The following LAT2 variants were observed in gnomAD, a reference collection of about 807,000 sequenced individuals.
The protein encoded by LAT2 is linker for activation of T-cells family member 2.
A neutral mutation model predicts 43.4 loss-of-function variants in LAT2; 23 were observed. That is an observed-to-expected ratio of 0.53 (90% confidence interval 0.38 to 0.75). The LOEUF (loss-of-function observed/expected upper bound fraction) is 0.75, where lower values mean the gene tolerates loss of function less well. Ranked by LOEUF, LAT2 falls within the 30% of genes least tolerant of loss-of-function variation. LAT2 has a pLI of 0.00. For missense variants in LAT2, 284 were observed against 310.2 expected, an observed-to-expected ratio of 0.92 and a Z score of 0.64; for synonymous variants, 128 against 123.2, an observed-to-expected ratio of 1.04 and a Z score of -0.26.
intron 4 of LAT2, among the ~76,000 whole-genome samples, chr7:74,219,521 C>T (rs1802181529): frequency 6.6e-6 from 1 of 152,216 alleles, no homozygotes; most frequent in African/African-American, 2.4e-5. Flanking sequence ...GCCCAGGGCC[C>T]TGTGTGAGGG....
intron 4 of LAT2, among the ~76,000 whole-genome samples, chr7:74,218,023 T>A (rs185927195): frequency 8.4e-4 from 128 of 152,084 alleles, no homozygotes; most frequent in Non-Finnish European, 1.5e-3. Flanking sequence ...TGCCCTTGAC[T>A]CCTCGGACAC....
intron 1 of LAT2, among the ~76,000 whole-genome samples, chr7:74,213,632 T>A (rs183689596): frequency 1.3e-5 from 2 of 150,748 alleles, no homozygotes; most frequent in African/African-American, 4.9e-5. Flanking sequence ...ACCATGTTGG[T>A]CAGGCTAGTC....
chr7:74,211,151 G>A (rs897967119), intron 1 of LAT2, among the ~76,000 whole-genome samples: 1 of 136,570 alleles, frequency 7.3e-6, no homozygotes, highest in Non-Finnish European at 1.6e-5. Flanking sequence ...CAGCCCTGCC[G>A]GCCCCTGGGG....
At chr7:74,214,789 ATAT>A (rs1409913849) in intron 1 of LAT2, 30 bp from the exon 2 acceptor site, 3 of 89,456 alleles carry the variant, frequency 3.4e-5, no homozygotes, top group African/African-American at 1.0e-4. Flanking sequence ...ATATATATAT[ATAT>A]TTTTTTTTTT....
chr7:74,211,087 A>G (rs1554713066), intron 1 of LAT2, among the ~76,000 whole-genome samples: 2 of 152,152 alleles, frequency 1.3e-5, no homozygotes, highest in African/African-American at 4.8e-5. Context: ...CTTTAGTGCT[A>G]TTTTGGCCTC....
At chr7:74,215,661 C>G (rs529502531) in intron 2 of LAT2, among the ~76,000 whole-genome samples, 1 of 152,158 alleles carries the variant, frequency 6.6e-6, no homozygotes, top group Non-Finnish European at 1.5e-5. Flanking sequence ...CTAGATTAAG[C>G]GAGGCTGTGT....
chr7:74,219,009 CTTTTTTTTTTTTTTTTTTTTT>C (rs781806954), intron 4 of LAT2, among the ~76,000 whole-genome samples: 9 of 48,744 alleles, frequency 1.8e-4, no homozygotes, highest in African/African-American at 2.9e-4. Flanking sequence ...AGAGTGTGTG[CTTTTTTTTTTTTTTTTTTTTT>C]TTTTTTTTTT....
At position 74,229,452 on chromosome 7, in the gene LAT2, T is replaced by C. The variant is rs1802611253; in HGVS notation, c.*527T>C. 1 of 152,730 alleles carries C rather than the reference T, an allele frequency of 6.5e-6. No homozygotes were observed. The highest frequency in any genetic ancestry group is 6.5e-5 in the Admixed American group (1 of 15,284). 9.5% of individuals were successfully genotyped at this position (152,730 alleles called of 1,614,324 possible). On this transcript the variant is annotated 3_prime_UTR_variant, in exon 14 of 14. Transcript: ENST00000460943. ...GTCTCCTAGAAAGCATTACATGTAG[T>C]TTATTTCAGCATCCTTGTTGGGTGG...
At chr7:74,222,347 G>A (rs1302687085) in intron 10 of LAT2, among the ~76,000 whole-genome samples, 1 of 150,240 alleles carries the variant, frequency 6.7e-6, no homozygotes, top group Non-Finnish European at 1.5e-5. Flanking sequence ...GCTGCAGTGA[G>A]CCAAGATCGC....
intron 1 of LAT2, 112 bp from the exon 2 acceptor site, chr7:74,214,702 TATATATAA>T (rs1339592691): frequency 5.6e-4 from 54 of 96,254 alleles, no homozygotes; most frequent in African/African-American, 2.4e-3. Flanking sequence ...TATATATAAA[TATATATAA>T]ATATATATAA....
Position 74,220,133 on chromosome 7 carries a change from C to T in LAT2, c.228-84C>T. ...GCTCCAGGGCTCAGCTATGAAGGCC[C>T]CACAAGGGGTATGGGGGGATGTGTC... is the stretch of plus-strand genomic sequence containing the variant. On this transcript the variant is annotated intron_variant, in intron 6 of 13. Transcript: ENST00000460943. The surrounding 1 kb of genome is among the most constrained non-coding windows in gnomAD (Gnocchi z 4.5). The T allele has an allele frequency of 1.9e-6, 3 of 1,565,070 alleles. No individual in the cohort carries two copies. The highest frequency in any genetic ancestry group is 2.6e-6 in the Non-Finnish European group (3 of 1,147,528).
chr7:74,224,291 C>A, intron 12 of LAT2, 94 bp downstream of exon 12: 1 of 1,325,710 alleles, frequency 7.5e-7, no homozygotes, highest in Non-Finnish European at 1.1e-6. Context: ...TTCCCTCCAG[C>A]CAGTCCAGCT....
intron 13 of LAT2, 121 bp downstream of exon 13, chr7:74,224,881 G>T: frequency 1.4e-6 from 1 of 717,284 alleles, no homozygotes; most frequent in South Asian, 1.9e-5. Context: ...GGGGGCTACA[G>T]GGTGCACCCA....
chr7:74,216,745 G>C lies in LAT2; in HGVS notation c.95-80G>C, dbSNP rs13226003. On this transcript the variant is annotated intron_variant, in intron 3 of 13. Transcript: ENST00000460943. ...CAAGTCCTGTCTGAGTCCTGCTGGA[G>C]ACAAGACATGGCGGGGGGTGTCTGA... 7 of 1,226,506 alleles carry C rather than the reference G, an allele frequency of 5.7e-6. 1 individual carries two copies. The highest frequency in any genetic ancestry group is 3.7e-5 in the South Asian group (3 of 80,852). 76.0% of individuals were successfully genotyped at this position (1,226,506 alleles called of 1,614,324 possible).
In LAT2 at chr7:74,212,182, C is replaced by T. The variant is rs112232570; in HGVS notation, c.-219+2094C>T. Among the ~76,000 whole-genome samples the T allele has an allele frequency of 6.7e-3, 1,025 of 152,012 alleles. 15 individuals carry two copies. Among genetic ancestry groups the T allele is most frequent in the African/African-American group, 0.021 (880 of 41,462 alleles). On this transcript the variant is annotated intron_variant, in intron 1 of 13. Coordinates refer to ENST00000460943, the MANE Select transcript of LAT2 (RefSeq NM_032464.3). ...CTGGTCTCGAACTCCTGGCCTCAAG[C>T]GATCCTCCTGTCTCGGCCTCCCAGT...
Position 74,224,036 on chromosome 7 carries a change from T to G in LAT2, c.467T>G (p.Ile156Arg), listed in dbSNP as rs371014575. 6.2e-6 allele frequency: 10 copies of G among 1,613,968 alleles called. No homozygotes were observed. The Middle Eastern group carries it at 5.0e-4, about 80-fold the overall frequency. The change falls in exon 12 of 14, where the codon ATA becomes AGA. Residue 156 changes from isoleucine (I) to arginine (R), a missense_variant. Ile to Arg is a moderately conservative substitution (Grantham distance 97, BLOSUM62 -3). Coordinates refer to ENST00000460943, the MANE Select transcript of LAT2 (RefSeq NM_032464.3). Reference sequence around the variant, plus strand: ...TCTGCAGGTGCCCAGCAGGAGGGCATAGGTGGCCTCTGCAGAGGGGACCTC... The same window carrying G: ...TCTGCAGGTGCCCAGCAGGAGGGCAGAGGTGGCCTCTGCAGAGGGGACCTC... ...TTETGAQQEG[I>R]GGLCRGDLSL...
chr7:74,224,071 C>T lies in LAT2; in HGVS notation c.502C>T (p.Leu168=), dbSNP rs782008099. ...CTGCAGAGGGGACCTCAGCCTGTCA[C>T]TGGCCCTGAAGACTGGCCCCACTTC... ...GLCRGDLSLS[L]ALKTGPTSGL... The change falls in exon 12 of 14, where the codon CTG becomes TTG. Residue 168 remains leucine (L), a synonymous_variant. Coordinates refer to ENST00000460943, the MANE Select transcript of LAT2 (RefSeq NM_032464.3). 6.2e-7 allele frequency: 1 copy of T among 1,614,190 alleles called. No individual in the cohort carries two copies. Among genetic ancestry groups the T allele is most frequent in the Non-Finnish European group, 8.5e-7 (1 of 1,180,006 alleles).
Position 74,219,786 on chromosome 7 carries a change from C to T in LAT2, c.177C>T (p.Ser59=), listed in dbSNP as rs1802194581. ...GCTTTACGGGGTCCCGGACCTACTC[C>T]TGTGAGTCTCCAAGTGTCCCCGGGT... ...QQSFTGSRTY[S]LVGQAWPGPL... The change falls in exon 5 of 14, where the codon TCC becomes TCT. Residue 59 remains serine, a splice_region_variant and synonymous_variant. Coordinates refer to ENST00000460943, the MANE Select transcript of LAT2 (RefSeq NM_032464.3). 1.9e-6 allele frequency: 3 copies of T among 1,614,006 alleles called. No individual in the cohort carries two copies. The highest frequency in any genetic ancestry group is 1.3e-5 in the African/African-American group (1 of 74,944).
intron 13 of LAT2, chr7:74,226,157 T>TGA (rs1802475745): frequency 6.7e-6 from 1 of 148,620 alleles, no homozygotes; most frequent in South Asian, 2.1e-4. Context: ...TTTTTTTTTT[T>TGA]GAGACAGAGT....
Sources: gnomAD v4.1 joint callset for allele counts (sites outside exome capture counted in the v4.1 genomes callset) on GRCh38, gnomAD v4.1.1 for gene constraint, Gnocchi (gnomAD v3.1) non-coding constraint, MANE v1.5 for transcripts, NCBI Gene and HGNC (gene_info 2026-07-23, HGNC 2026-07-21) for gene names.